ICOS: variants seen among roughly 807,000 people sequenced by gnomAD.
ICOS encodes inducible T cell costimulator.
Under a neutral mutation model 24.6 loss-of-function variants are expected in ICOS, and 15 were observed. That is an observed-to-expected ratio of 0.61 (90% CI 0.41 to 0.94). The LOEUF (loss-of-function observed/expected upper bound fraction) is 0.94. Among genes scored for constraint, ICOS ranks in the 40% least tolerant of loss-of-function variants. The pLI, the probability that ICOS is intolerant of heterozygous loss-of-function variation, is 0.00. For missense variants in ICOS, 200 were observed against 233.0 expected (o/e 0.86, Z 0.92); for synonymous variants, 89 against 77.5 (o/e 1.15, Z -0.78).
chr2:203,956,646 T>G lies in ICOS; in HGVS notation c.395-13T>G. The G allele has an allele frequency of 6.3e-7, 1 of 1,597,536 alleles. No individual in the cohort carries two copies. Among genetic ancestry groups the G allele is most frequent in the Non-Finnish European group, 8.6e-7 (1 of 1,164,938 alleles). ...CAGAATTTTTCATTAACATACCTTT[T>G]TTTCCAATCCAGAATCACAACTTTG... On this transcript the variant is annotated splice_polypyrimidine_tract_variant and intron_variant, in intron 2 of 4. Coordinates refer to ENST00000316386, the MANE Select transcript of ICOS (RefSeq NM_012092.4).
At chr2:203,939,808 G>C (rs1356115118) in intron 1 of ICOS, among the ~76,000 whole-genome samples, 1 of 152,128 alleles carries the variant, frequency 6.6e-6, no homozygotes, top group Non-Finnish European at 1.5e-5. Flanking sequence ...CTGAGTAAAT[G>C]TCATCTCCTG....
chr2:203,944,450 G>A (rs1030629959), intron 1 of ICOS, among the ~76,000 whole-genome samples: 4 of 152,148 alleles, frequency 2.6e-5, no homozygotes, highest in Non-Finnish European at 4.4e-5. Context: ...TGGGAGAGGA[G>A]GGTCTCCCTT....
chr2:203,940,091 T>C (rs1689736625), intron 1 of ICOS, among the ~76,000 whole-genome samples: 1 of 152,210 alleles, frequency 6.6e-6, no homozygotes, highest in Non-Finnish European at 1.5e-5. Flanking sequence ...GTAATTGACA[T>C]GTTCAAAGAA....
At chr2:203,937,743 G>A (rs755576644) in intron 1 of ICOS, among the ~76,000 whole-genome samples, 2 of 151,570 alleles carry the variant, frequency 1.3e-5, no homozygotes, top group Non-Finnish European at 2.9e-5. Flanking sequence ...TTTTTCAGTG[G>A]CAAAAAAATA....
chr2:203,938,642 T>A (rs996312115), intron 1 of ICOS, among the ~76,000 whole-genome samples: 4 of 152,238 alleles, frequency 2.6e-5, no homozygotes, highest in Non-Finnish European at 5.9e-5. Context: ...CAAACCAATT[T>A]GGGCAGTTCT....
chr2:203,951,032 C>A (rs1175370604), intron 1 of ICOS, among the ~76,000 whole-genome samples: 1 of 151,692 alleles, frequency 6.6e-6, no homozygotes, highest in Non-Finnish European at 1.5e-5. Context: ...TGCACTCTAG[C>A]CTGCTGGTGA....
chr2:203,955,442 AT>A (rs989492023), intron 1 of ICOS, among the ~76,000 whole-genome samples, 193 bp from the exon 2 acceptor site: 1 of 151,320 alleles, frequency 6.6e-6, no homozygotes, highest in African/African-American at 2.4e-5. Flanking sequence ...TCTGGTTAGG[AT>A]TTTTTTTTCT....
At chr2:203,941,361 T>TGTG (rs1222605964) in intron 1 of ICOS, among the ~76,000 whole-genome samples, 205 of 152,322 alleles carry the variant, frequency 1.3e-3, no homozygotes, top group African/African-American at 4.2e-3. Context: ...AATGGATATT[T>TGTG]CAGTTTTAAG....
At chr2:203,958,392 G>A (rs1330800498) in intron 4 of ICOS, among the ~76,000 whole-genome samples, 1 of 152,202 alleles carries the variant, frequency 6.6e-6, no homozygotes, top group Non-Finnish European at 1.5e-5. Flanking sequence ...TTGAGGTAAA[G>A]AGTGTGCAAG....
intron 1 of ICOS, among the ~76,000 whole-genome samples, chr2:203,939,510 C>A (rs1487564169): frequency 6.6e-6 from 1 of 152,052 alleles, no homozygotes; most frequent in Non-Finnish European, 1.5e-5. Context: ...AGTGATGGGA[C>A]AAATTCTGGT....
At chr2:203,955,260 TC>T (rs1163676181) in intron 1 of ICOS, among the ~76,000 whole-genome samples, 5 of 152,168 alleles carry the variant, frequency 3.3e-5, no homozygotes, top group African/African-American at 9.6e-5. Context: ...TAAATAGTAC[TC>T]CATTCCTATC....
chr2:203,941,728 C>T (rs755728859), intron 1 of ICOS, among the ~76,000 whole-genome samples: 162 of 152,080 alleles, frequency 1.1e-3, no homozygotes, highest in Non-Finnish European at 1.6e-3. Flanking sequence ...ACTTTTTGGT[C>T]ATTCAAAGTG....
At chr2:203,946,409 ATTT>A (rs10715081) in intron 1 of ICOS, among the ~76,000 whole-genome samples, 4 of 133,746 alleles carry the variant, frequency 3.0e-5, no homozygotes, top group Admixed American at 7.4e-5. Flanking sequence ...TCTTCTTCCC[ATTT>A]TTTTTTTTTT....
At position 203,960,601 on chromosome 2, in the gene ICOS, A is replaced by G. The variant is rs1292991654; in HGVS notation, c.*1002A>G. ...TCATATTAAAATTGCAAACAAAATC[A>G]TCTTTAATGGGCCAGCATTCTCATG... On this transcript the variant is annotated 3_prime_UTR_variant, in exon 5 of 5. Coordinates refer to ENST00000316386, the MANE Select transcript of ICOS (RefSeq NM_012092.4). 1 of 152,230 alleles carries G rather than the reference A, an allele frequency of 6.6e-6. No homozygotes were observed. The highest frequency in any genetic ancestry group is 1.5e-5 in the Non-Finnish European group (1 of 68,042). The allele number at this position is 152,230 out of a possible 1,614,324, so 9.4% of individuals were successfully genotyped here.
In ICOS at chr2:203,960,929, A is replaced by G. The variant is rs1255868105; in HGVS notation, c.*1330A>G. ...CACAATTCCCTCTCATAAAAACCACACAGCCTGGAAATTGGCCCTGGCCCT... is the reference window on the plus strand; with the variant it reads ...CACAATTCCCTCTCATAAAAACCACGCAGCCTGGAAATTGGCCCTGGCCCT... On this transcript the variant is annotated 3_prime_UTR_variant, in exon 5 of 5. Transcript: ENST00000316386. 6.6e-6 allele frequency: 1 copy of G among 152,184 alleles called. No homozygotes were observed. The highest frequency in any genetic ancestry group is 1.5e-5 in the Non-Finnish European group (1 of 68,032). The allele number at this position is 152,184 out of a possible 1,614,324, so 9.4% of individuals were successfully genotyped here. A position where few individuals can be genotyped will look rare whatever the true frequency, so the allele number is the denominator to read the frequency against.
chr2:203,951,252 A>G (rs1044478480), intron 1 of ICOS, among the ~76,000 whole-genome samples: 12 of 152,300 alleles, frequency 7.9e-5, no homozygotes, highest in Admixed American at 7.2e-4. Context: ...GGAATAGCCC[A>G]TTATGATATT....
intron 4 of ICOS, 90 bp from the exon 5 acceptor site, chr2:203,959,496 G>T (rs1216978149): frequency 1.6e-5 from 16 of 1,017,318 alleles, no homozygotes; most frequent in Non-Finnish European, 2.5e-5. Context: ...GTGTTTGTGT[G>T]TATGAAAGGC....
At position 203,960,895 on chromosome 2, in the gene ICOS, G is replaced by A. The variant is rs1690167707; in HGVS notation, c.*1296G>A. On this transcript the variant is annotated 3_prime_UTR_variant, in exon 5 of 5. Coordinates refer to ENST00000316386, the MANE Select transcript of ICOS (RefSeq NM_012092.4). ...TCCAGGATCTGTGAAGAGCACATATGTGTCAGGGCACAATTCCCTCTCATA... is the reference window on the plus strand; with the variant it reads ...TCCAGGATCTGTGAAGAGCACATATATGTCAGGGCACAATTCCCTCTCATA... The A allele has an allele frequency of 6.6e-6, 1 of 152,230 alleles. No homozygotes were observed. Among genetic ancestry groups the A allele is most frequent in the African/African-American group, 2.4e-5 (1 of 41,462 alleles). The allele number at this position is 152,230 out of a possible 1,614,324, so 9.4% of individuals were successfully genotyped here.
intron 1 of ICOS, among the ~76,000 whole-genome samples, chr2:203,947,615 T>A (rs1689897225): frequency 6.6e-6 from 1 of 152,176 alleles, no homozygotes; most frequent in South Asian, 2.1e-4. Flanking sequence ...CTATAAAAAT[T>A]ATTGTTAGCA....
Sources: allele counts gnomAD v4.1 joint callset (sites outside exome capture counted in the v4.1 genomes callset), GRCh38; gene constraint gnomAD v4.1.1; transcripts MANE v1.5; gene names NCBI Gene and HGNC (gene_info 2026-07-23, HGNC 2026-07-21).